The following ZNF469 variants were observed in gnomAD, a reference collection of about 807,000 sequenced individuals.
ZNF469 encodes the protein zinc finger protein 469.
Under a neutral mutation model 1.0 loss-of-function variants are expected in ZNF469, and 1 was observed. The ratio of observed to expected loss-of-function variants is 1.00; its 90% confidence interval spans 0.35 to 4.73. ZNF469 has a LOEUF of 4.73. Among genes scored for constraint, ZNF469 ranks in the 30% most tolerant of loss-of-function variants. The probability of loss-of-function intolerance (pLI) is 0.16; values close to 1 mark genes in which losing one functional copy is unlikely to be tolerated. For synonymous variants in ZNF469, 2,703 were observed against 2,363.4 expected, an observed-to-expected ratio of 1.14 and a Z score of -4.17; for missense variants, 6,100 against 5,356.3, an observed-to-expected ratio of 1.14 and a Z score of -4.33.
At chr16:88,239,488 T>C in the ZNF469 span, among the ~76,000 whole-genome samples, 1 of 146,940 alleles carries the variant, frequency 6.8e-6, no homozygotes, top group African/African-American at 2.5e-5. Context: ...CATGATGGTC[T>C]CTCTTTTTTT....
At chr16:88,414,164 C>T (rs1905246650) in intron 1 of ZNF469, among the ~76,000 whole-genome samples, 1 of 152,232 alleles carries the variant, frequency 6.6e-6, no homozygotes, top group Non-Finnish European at 1.5e-5. Context: ...TCCCGAGTCC[C>T]CAGGAAGACA....
chr16:88,243,106 A>C, the ZNF469 span, among the ~76,000 whole-genome samples: 2 of 152,242 alleles, frequency 1.3e-5, no homozygotes, highest in African/African-American at 4.8e-5. Context: ...ATCACTGCTC[A>C]TGACAGGGCT....
chr16:88,292,578 G>A, the ZNF469 span, among the ~76,000 whole-genome samples: 45 of 152,056 alleles, frequency 3.0e-4, no homozygotes, highest in African/African-American at 1.0e-3. Flanking sequence ...GTGAAGCCTC[G>A]TACAGCTAAG....
intron 1 of ZNF469, among the ~76,000 whole-genome samples, chr16:88,388,865 C>T (rs1439983846): frequency 1.3e-5 from 2 of 152,026 alleles, no homozygotes; most frequent in Non-Finnish European, 1.5e-5. Flanking sequence ...GGAAGCTGCC[C>T]CATCTGTAGA....
At chr16:88,185,830 TACAG>T in the ZNF469 span, among the ~76,000 whole-genome samples, 1 of 146,054 alleles carries the variant, frequency 6.8e-6, no homozygotes, top group Non-Finnish European at 1.5e-5. Context: ...TGCCCAGACC[TACAG>T]ACACACTCAC....
At chr16:88,101,995 G>A in the ZNF469 span, among the ~76,000 whole-genome samples, 1 of 152,086 alleles carries the variant, frequency 6.6e-6, no homozygotes, top group Non-Finnish European at 1.5e-5. Context: ...CTTAAGCGAC[G>A]GAACAGGGAA....
chr16:88,150,050 A>G, the ZNF469 span, among the ~76,000 whole-genome samples: 1 of 152,238 alleles, frequency 6.6e-6, no homozygotes, highest in Admixed American at 6.5e-5. Flanking sequence ...ATTCATGCCT[A>G]TAATCCCAGC....
chr16:88,383,694 G>T (rs2092531036), intron 1 of ZNF469, among the ~76,000 whole-genome samples: 1 of 151,348 alleles, frequency 6.6e-6, no homozygotes, highest in Non-Finnish European at 1.5e-5. Flanking sequence ...CCCCAGCCGT[G>T]CCGCCGCCTC....
the ZNF469 span, among the ~76,000 whole-genome samples, chr16:88,110,490 G>A: frequency 1.3e-5 from 2 of 152,256 alleles, no homozygotes; most frequent in Non-Finnish European, 2.9e-5. Flanking sequence ...CAGTGTCTGT[G>A]AGTAATGTCC....
At chr16:88,117,984 C>G in the ZNF469 span, among the ~76,000 whole-genome samples, 1 of 152,226 alleles carries the variant, frequency 6.6e-6, no homozygotes, top group South Asian at 2.1e-4. Flanking sequence ...GCTCTGTCGC[C>G]CAGGCTGGAG....
chr16:88,430,395 C>T lies in ZNF469; in HGVS notation c.2925C>T (p.Ala975=). The change falls in exon 3 of 3, where the codon GCC becomes GCT. Residue 975 remains alanine, a synonymous_variant. Transcript: ENST00000565624. ...EGSGSGGGGR[A]SGLRPRRNDG... ...CGGGGTCGGGCGGCGGCGGCAGAGC[C>T]TCCGGCCTGAGGCCCCGGAGGAACG... The T allele has an allele frequency of 6.6e-7, 1 of 1,519,178 alleles. No individual in the cohort carries two copies. Among genetic ancestry groups the T allele is most frequent in the Admixed American group, 2.0e-5 (1 of 49,486 alleles). 94.1% of individuals were successfully genotyped at this position (1,519,178 alleles called of 1,614,324 possible).
In ZNF469 at chr16:88,438,640, C is replaced by G. The variant is rs1258940495; in HGVS notation, c.11170C>G (p.Pro3724Ala). 1.9e-6 allele frequency: 3 copies of G among 1,549,994 alleles called. No homozygotes were observed. The highest frequency in any genetic ancestry group is 2.6e-6 in the Non-Finnish European group (3 of 1,146,920). The change falls in exon 3 of 3, where the codon CCC becomes GCC. Residue 3724 changes from proline to alanine, a missense_variant. Pro to Ala is a conservative substitution (Grantham distance 27, BLOSUM62 -1). Transcript: ENST00000565624. Reference sequence around the variant, plus strand: ...AGAGAATGGGATGAAGCCCGCCACCCCCAAAGCCAAACCCGGCCCCAGCTC... The same window carrying G: ...AGAGAATGGGATGAAGCCCGCCACCGCCAAAGCCAAACCCGGCCCCAGCTC... ...GTENGMKPAT[P>A]KAKPGPSSQG...
chr16:88,166,473 T>G, the ZNF469 span, among the ~76,000 whole-genome samples: 1 of 152,218 alleles, frequency 6.6e-6, no homozygotes, highest in Admixed American at 6.5e-5. The surrounding 1 kb of genome is among the most constrained non-coding windows in gnomAD (Gnocchi z 4.5). Context: ...TTCGCTGTTT[T>G]GGCAAATGTG....
the ZNF469 span, among the ~76,000 whole-genome samples, chr16:88,126,898 C>G: frequency 6.6e-6 from 1 of 152,090 alleles, no homozygotes; most frequent in African/African-American, 2.4e-5. Context: ...CGGCTTACTG[C>G]AACCTCTGTC....
Position 88,428,999 on chromosome 16 carries a change from G to C in ZNF469, c.1529G>C (p.Gly510Ala), listed in dbSNP as rs7199961. 1,548,456 of 1,549,506 alleles carry C rather than the reference G, an allele frequency of 1. 773,711 individuals carry two copies. Among genetic ancestry groups the C allele is most frequent in the Non-Finnish European group, 1 (1,146,710 of 1,146,734 alleles). Reference sequence around the variant, plus strand: ...AGCCGGCTGCCTTTCCCCGCGGGGGGCCCCGAGTGGCAGGGGGGCAGCCAA... The same window carrying C: ...AGCCGGCTGCCTTTCCCCGCGGGGGCCCCCGAGTGGCAGGGGGGCAGCCAA... The part of the protein sequence containing the change: ...MLSRLPFPAG[G>A]PEWQGGSQGA... The change falls in exon 3 of 3, where the codon GGC (glycine) becomes GCC (alanine). Residue 510 changes from glycine (G) to alanine (A), a missense_variant. By Grantham distance (60) the Gly-to-Ala change is moderately conservative (BLOSUM62 0). Coordinates refer to ENST00000565624, the MANE Select transcript of ZNF469 (RefSeq NM_001367624.2).
the ZNF469 span, among the ~76,000 whole-genome samples, chr16:88,229,594 G>GGATGTCACGCTTGTGCGCT: frequency 9.2e-6 from 1 of 108,130 alleles, no homozygotes; most frequent in African/African-American, 2.8e-5. Context: ...TCACGCGTGT[G>GGATGTCACGCTTGTGCGCT]GATGTCACGC....
chr16:88,439,386 C>T lies in ZNF469; in HGVS notation c.*54C>T. Reference sequence around the variant, plus strand: ...GCTGGGCGTTCCTGTCTCGGCCTGCCTCCTTGGCCAGCTCCGGCTCCCTGA... The same window carrying T: ...GCTGGGCGTTCCTGTCTCGGCCTGCTTCCTTGGCCAGCTCCGGCTCCCTGA... On this transcript the variant is annotated 3_prime_UTR_variant, in exon 3 of 3. Coordinates refer to ENST00000565624, the MANE Select transcript of ZNF469 (RefSeq NM_001367624.2). 2 of 1,541,228 alleles carry T rather than the reference C, an allele frequency of 1.3e-6. No homozygotes were observed. The highest frequency in any genetic ancestry group is 1.8e-6 in the Non-Finnish European group (2 of 1,139,520).
chr16:88,322,359 C>T, the ZNF469 span, among the ~76,000 whole-genome samples: 4 of 152,242 alleles, frequency 2.6e-5, no homozygotes, highest in South Asian at 8.3e-4. Flanking sequence ...GAGGCGGCTG[C>T]GAGGCTGGGA....
In ZNF469 at chr16:88,439,261, C is replaced by T. The variant is rs1412644105; in HGVS notation, c.11791C>T (p.Leu3931Phe). Residue 3931 changes from leucine (L) to phenylalanine (F), a missense_variant, in exon 3 of 3, where the codon CTC becomes TTC. Physicochemically the swap from Leu to Phe is conservative, Grantham distance 22. Coordinates refer to ENST00000565624, the MANE Select transcript of ZNF469 (RefSeq NM_001367624.2). ...THRTAEAQSD[L>F]LSQLFGQRLT... is the part of the protein sequence containing the mutation. ...CCGGACGGCCGAGGCCCAGAGTGAC[C>T]TCCTCAGCCAGCTCTTCGGGCAGAG... 2 of 1,550,502 alleles carry T rather than the reference C, an allele frequency of 1.3e-6. No homozygotes were observed. The highest frequency in any genetic ancestry group is 3.9e-5 in the Admixed American group (2 of 51,018).
Sources: gnomAD v4.1 joint callset for allele counts (sites outside exome capture counted in the v4.1 genomes callset) on GRCh38, gnomAD v4.1.1 for gene constraint, Gnocchi (gnomAD v3.1) non-coding constraint, MANE v1.5 for transcripts, NCBI Gene and HGNC (gene_info 2026-07-23, HGNC 2026-07-21) for gene names.